The following CALN1 variants were observed in gnomAD, a reference collection of about 807,000 sequenced individuals.
CALN1 encodes the protein calneuron 1.
In CALN1, 17 loss-of-function variants were observed where a neutral mutation model predicts 30.6. The observed-to-expected ratio is 0.56, with a 90% CI of 0.38 to 0.83. CALN1 has a LOEUF of 0.83. Ranked by LOEUF, CALN1 falls within the 40% of genes least tolerant of loss-of-function variation. CALN1 has a pLI of 0.00. For missense variants in CALN1, 291 were observed against 354.9 expected (o/e 0.82, Z 1.45); for synonymous variants, 156 against 131.4 (o/e 1.19, Z -1.28).
chr7:72,470,915 T>G, the CALN1 span, among the ~76,000 whole-genome samples: 1 of 152,166 alleles, frequency 6.6e-6, no homozygotes, highest in Non-Finnish European at 1.5e-5. Context: ...AGCAAGACAG[T>G]TGACCCCCAC....
intron 2 of CALN1, among the ~76,000 whole-genome samples, chr7:72,397,121 G>A (rs1183894232): frequency 1.3e-5 from 2 of 151,984 alleles, no homozygotes; most frequent in African/African-American, 2.4e-5. Context: ...ATGTTGCCCA[G>A]GCTGGTCTCA....
intron 5 of CALN1, among the ~76,000 whole-genome samples, chr7:71,900,226 T>C (rs761255250): frequency 3.3e-5 from 5 of 152,084 alleles, no homozygotes; most frequent in Non-Finnish European, 7.4e-5. Flanking sequence ...TGCAAATAAC[T>C]ATGGTTATTT....
At chr7:72,246,391 A>G (rs1314379672) in intron 3 of CALN1, among the ~76,000 whole-genome samples, 1 of 152,078 alleles carries the variant, frequency 6.6e-6, no homozygotes, top group African/African-American at 2.4e-5. Context: ...TCTGCGGTCT[A>G]AGGGACACAC....
At chr7:72,171,401 G>A (rs775020934) in intron 3 of CALN1, among the ~76,000 whole-genome samples, 1 of 152,090 alleles carries the variant, frequency 6.6e-6, no homozygotes, top group South Asian at 2.1e-4. Flanking sequence ...CAGAGAGGAG[G>A]ACTGCTTGAG....
intron 4 of CALN1, among the ~76,000 whole-genome samples, chr7:72,043,047 G>A (rs1429453134): frequency 6.6e-6 from 1 of 152,166 alleles, no homozygotes; most frequent in Non-Finnish European, 1.5e-5. Flanking sequence ...TAGATGCATG[G>A]CTTCTCGTGG....
intron 4 of CALN1, among the ~76,000 whole-genome samples, chr7:72,064,641 C>A (rs1403850892): frequency 6.6e-6 from 1 of 152,216 alleles, no homozygotes. Flanking sequence ...GACATAGAAT[C>A]TTCTAACTCA....
chr7:72,073,801 C>T (rs1804557657), intron 4 of CALN1, among the ~76,000 whole-genome samples: 1 of 152,106 alleles, frequency 6.6e-6, no homozygotes, highest in Non-Finnish European at 1.5e-5. Flanking sequence ...TCAAGTGATC[C>T]TGTCACCTCA....
intron 4 of CALN1, among the ~76,000 whole-genome samples, chr7:72,080,843 A>T (rs1447637009): frequency 6.6e-6 from 1 of 152,134 alleles, no homozygotes; most frequent in Non-Finnish European, 1.5e-5. Flanking sequence ...GCTGTTCTCA[A>T]CAGGTTTGAG....
At position 72,388,106 on chromosome 7, in the gene CALN1, G is replaced by C. The variant is rs757557224; in HGVS notation, c.119+15145C>G. Among the ~76,000 whole-genome samples the C allele has an allele frequency of 7.2e-5, 11 of 152,058 alleles. 1 individual carries two copies. Among genetic ancestry groups the C allele is most frequent in the African/African-American group, 2.2e-4 (9 of 41,404 alleles). On this transcript the variant is annotated intron_variant, in intron 2 of 6. Coordinates refer to ENST00000395275, the MANE Select transcript of CALN1 (RefSeq NM_031468.4). ...TTTTGCACCAACCTAGTAGAAGAAA[G>C]GACTTTTTAAAATGTTCTTCCAACA...
At chr7:72,040,329 A>G in intron 4 of CALN1, among the ~76,000 whole-genome samples, 1 of 151,946 alleles carries the variant, frequency 6.6e-6, no homozygotes, top group East Asian at 1.9e-4. Context: ...ACAATAAAAA[A>G]AAAAAAATAG....
chr7:71,906,044 T>C (rs954792239), intron 5 of CALN1, among the ~76,000 whole-genome samples: 5 of 152,158 alleles, frequency 3.3e-5, no homozygotes, highest in East Asian at 1.9e-4. Context: ...AAGAACAGCA[T>C]GGGGGAAACT....
chr7:72,287,104 C>T (rs971436087), intron 2 of CALN1, among the ~76,000 whole-genome samples: 1 of 152,112 alleles, frequency 6.6e-6, no homozygotes, highest in Non-Finnish European at 1.5e-5. Flanking sequence ...CCACATAATG[C>T]ACCCATGTAC....
intron 5 of CALN1, among the ~76,000 whole-genome samples, chr7:71,870,204 G>A (rs931131095): frequency 3.9e-5 from 6 of 152,190 alleles, no homozygotes; most frequent in Non-Finnish European, 7.3e-5. Context: ...CCAACACGGT[G>A]AAACCCCGTC....
At chr7:71,992,503 C>A (rs1799007173) in intron 5 of CALN1, among the ~76,000 whole-genome samples, 1 of 152,150 alleles carries the variant, frequency 6.6e-6, no homozygotes, top group Non-Finnish European at 1.5e-5. Flanking sequence ...ACTACAGGTG[C>A]ACATCACCAT....
intron 5 of CALN1, among the ~76,000 whole-genome samples, chr7:71,962,526 A>G (rs1201665807): frequency 6.6e-6 from 1 of 152,202 alleles, no homozygotes; most frequent in African/African-American, 2.4e-5. Flanking sequence ...CTACCGTTTG[A>G]ATGGACATTC....
At chr7:72,443,880 G>T (rs1808437294) in intron 1 of CALN1, among the ~76,000 whole-genome samples, 1 of 146,144 alleles carries the variant, frequency 6.8e-6, no homozygotes, top group South Asian at 2.3e-4. Flanking sequence ...TTTCTCTCTT[G>T]TTGCCCAGGC....
intron 3 of CALN1, among the ~76,000 whole-genome samples, chr7:72,186,935 G>A (rs1790241764): frequency 1.8e-5 from 2 of 114,200 alleles, no homozygotes; most frequent in Non-Finnish European, 3.6e-5. Flanking sequence ...TTTCCTTTGG[G>A]TTATATCAGC....
intron 3 of CALN1, among the ~76,000 whole-genome samples, chr7:72,210,275 C>T (rs1792299035): frequency 6.6e-6 from 1 of 152,118 alleles, no homozygotes; most frequent in Non-Finnish European, 1.5e-5. Context: ...CCTAATCAAG[C>T]TTCTCTATGG....
chr7:72,173,750 AT>A (rs1178754344), intron 3 of CALN1, among the ~76,000 whole-genome samples: 3 of 152,200 alleles, frequency 2.0e-5, no homozygotes, highest in African/African-American at 7.2e-5. Flanking sequence ...TGAGAAAGAA[AT>A]AAACAACCAT....
Sources: allele counts gnomAD v4.1 joint callset (sites outside exome capture counted in the v4.1 genomes callset), GRCh38; gene constraint gnomAD v4.1.1; transcripts MANE v1.5; gene names NCBI Gene and HGNC (gene_info 2026-07-23, HGNC 2026-07-21).